The following MAK variants were observed in gnomAD, a reference collection of about 807,000 sequenced individuals.
The protein encoded by MAK is male germ cell associated kinase, also known as serine/threonine-protein kinase MAK.
Under a neutral mutation model 82.6 loss-of-function variants are expected in MAK, and 65 were observed. The observed-to-expected ratio is 0.79, with a 90% CI of 0.64 to 0.97. The LOEUF (loss-of-function observed/expected upper bound fraction) is 0.97, where lower values mean the gene tolerates loss of function less well. Ranked by LOEUF, MAK falls within the 50% of genes least tolerant of loss-of-function variation. MAK has a pLI of 0.00. For missense variants in MAK, 703 were observed against 780.2 expected (o/e 0.90, Z 1.18); for synonymous variants, 250 against 274.2 (o/e 0.91, Z 0.87).
intron 8 of MAK, among the ~76,000 whole-genome samples, chr6:10,796,855 GTTA>G (rs1189348919): frequency 1.3e-5 from 2 of 150,668 alleles, no homozygotes; most frequent in Non-Finnish European, 3.0e-5. Context: ...AAGCTCACTT[GTTA>G]TTATAACATC....
intron 8 of MAK, among the ~76,000 whole-genome samples, chr6:10,798,899 G>C (rs1775796979): frequency 6.6e-6 from 1 of 151,726 alleles, no homozygotes; most frequent in African/African-American, 2.4e-5. Context: ...GCACGATCTT[G>C]GCTCATTGCA....
Position 10,830,864 on chromosome 6 carries a change from T to G in MAK, c.-216A>C, listed in dbSNP as rs1778765199. On this transcript the variant is annotated 5_prime_UTR_variant, in exon 2 of 15. An upstream start codon of the reference 5' UTR is lost. Transcript: ENST00000354489. ...ATCGGGCAAGGAAACAACACTTCCA[T>G]TCTTATAAACACCCTAAAGAAAGAA... 1.8e-6 allele frequency: 1 copy of G among 568,770 alleles called. No individual in the cohort carries two copies. Among genetic ancestry groups the G allele is most frequent in the Non-Finnish European group, 3.2e-6 (1 of 313,632 alleles). The allele number at this position is 568,770 out of a possible 1,614,324, so 35.2% of individuals were successfully genotyped here.
Position 10,818,904 on chromosome 6 carries a change from C to A in MAK, c.138G>T (p.Met46Ile). Residue 46 changes from methionine (M) to isoleucine (I), a missense_variant, in exon 3 of 15, where the codon ATG becomes ATT. Coordinates refer to ENST00000354489, the MANE Select transcript of MAK (RefSeq NM_001242957.3). ...KRKFYSWDEC[M>I]NLREVKSLKK... ...ATTTTACCTTAACTTCTCTCAAGTT[C>A]ATGCATTCATCCCAAGAATAGAACT... The A allele has an allele frequency of 6.3e-7, 1 of 1,589,896 alleles. No individual in the cohort carries two copies.
chr6:10,764,270 C>T lies in MAK; in HGVS notation c.*182G>A. 1.6e-6 allele frequency: 1 copy of T among 620,744 alleles called. No homozygotes were observed. Among genetic ancestry groups the T allele is most frequent in the South Asian group, 2.0e-5 (1 of 50,968 alleles). 38.5% of individuals were successfully genotyped at this position (620,744 alleles called of 1,614,324 possible). On this transcript the variant is annotated 3_prime_UTR_variant, in exon 15 of 15. Coordinates refer to ENST00000354489, the MANE Select transcript of MAK (RefSeq NM_001242957.3). Reference sequence around the variant, plus strand: ...TATATCAACACTGTGGGCAATGATGCTAAGAAAATGCATTTCTTGGAAATA... The same window carrying T: ...TATATCAACACTGTGGGCAATGATGTTAAGAAAATGCATTTCTTGGAAATA...
intron 2 of MAK, among the ~76,000 whole-genome samples, chr6:10,820,602 T>C (rs1007531375): frequency 2.6e-5 from 4 of 152,212 alleles, no homozygotes; most frequent in African/African-American, 4.8e-5. Context: ...ATATCTATGA[T>C]TGACTATAAG....
At chr6:10,790,347 CTACTTG>C (rs1231462309) in intron 10 of MAK, among the ~76,000 whole-genome samples, 1 of 152,072 alleles carries the variant, frequency 6.6e-6, no homozygotes, top group Non-Finnish European at 1.5e-5. Context: ...TGCCAAATAG[CTACTTG>C]TATAAGTTTT....
chr6:10,774,913 T>G (rs1447496343), intron 12 of MAK, among the ~76,000 whole-genome samples: 1 of 152,234 alleles, frequency 6.6e-6, no homozygotes, highest in Non-Finnish European at 1.5e-5. Flanking sequence ...CAGGAAAGAT[T>G]CAGATGGAGG....
intron 8 of MAK, chr6:10,797,703 T>A: frequency 9.0e-7 from 1 of 1,108,068 alleles, no homozygotes; most frequent in Non-Finnish European, 1.1e-6. Flanking sequence ...CTTTAGCCAG[T>A]CCCCACATAG....
Position 10,768,762 on chromosome 6 carries a change from T to C in MAK, c.1792+1349A>G, listed in dbSNP as rs140255325. Among the ~76,000 whole-genome samples, 60 of 152,348 alleles carry C rather than the reference T, an allele frequency of 3.9e-4. No homozygotes were observed. In the Middle Eastern group the frequency reaches 0.01, roughly 26 times the overall value. ...CTGTAGTACTATTTAAGCAGTTCTA[T>C]TGCGGCAAGAAATAAAAAAATAAAG... On this transcript the variant is annotated intron_variant, in intron 14 of 14. Coordinates refer to ENST00000354489, the MANE Select transcript of MAK (RefSeq NM_001242957.3).
At chr6:10,833,547 G>C (rs1778959148) in intron 1 of MAK, among the ~76,000 whole-genome samples, 2 of 152,102 alleles carry the variant, frequency 1.3e-5, no homozygotes, top group African/African-American at 2.4e-5. Context: ...GGAGGTTGCA[G>C]TGAGCCAAGA....
rs781358107 is a variant in MAK at position 10,770,103 on chromosome 6, G to A, written c.1792+8C>T. 5.6e-6 allele frequency: 9 copies of A among 1,614,182 alleles called. No individual in the cohort carries two copies. In the South Asian group the frequency reaches 9.9e-5, roughly 18 times the overall value. On this transcript the variant is annotated splice_region_variant and intron_variant, in intron 14 of 14. Coordinates refer to ENST00000354489, the MANE Select transcript of MAK (RefSeq NM_001242957.3). ...AATCTAGAAAACTGTATCTGAAGTT[G>A]TTCCTACCTGAAGCCGTTGCATTGA... is the stretch of plus-strand genomic sequence containing the variant.
At chr6:10,810,510 T>C (rs930286652) in intron 5 of MAK, among the ~76,000 whole-genome samples, 1 of 151,980 alleles carries the variant, frequency 6.6e-6, no homozygotes, top group Non-Finnish European at 1.5e-5. Context: ...CGGCTAATTG[T>C]TTGTATTTTT....
rs1201820080 is a variant in MAK, at chr6:10,765,867, GGTT to G, written c.1793-1264_1793-1262del. On this transcript the variant is annotated intron_variant, in intron 14 of 14. Transcript: ENST00000354489. Reference sequence around the variant, plus strand: ...TAGGATCCTAAACTTTTAACCACAAGGTTGTTTCATTCATATATCTGACTGTTT... The same window carrying G: ...TAGGATCCTAAACTTTTAACCACAAGGTTTCATTCATATATCTGACTGTTT... Among the ~76,000 whole-genome samples, 3 of 152,152 alleles carry G rather than the reference GGTT, an allele frequency of 2.0e-5. No homozygotes were observed. In the East Asian group the frequency reaches 5.8e-4, roughly 29 times the overall value.
At chr6:10,766,356 T>C (rs933465954) in intron 14 of MAK, among the ~76,000 whole-genome samples, 23 of 152,194 alleles carry the variant, frequency 1.5e-4, no homozygotes, top group Admixed American at 5.9e-4. Context: ...AGGTATTAAG[T>C]GTGGACACTC....
intron 11 of MAK, among the ~76,000 whole-genome samples, chr6:10,778,727 A>G (rs896256476): frequency 6.6e-6 from 1 of 152,104 alleles, no homozygotes; most frequent in Non-Finnish European, 1.5e-5. Flanking sequence ...GAAAGTGAAA[A>G]AGCAGAGGCT....
chr6:10,802,273 G>T, intron 7 of MAK: 1 of 521,662 alleles, frequency 1.9e-6, no homozygotes, highest in Non-Finnish European at 3.4e-6. Flanking sequence ...AGGAAACAAT[G>T]CGAAAAGCAC....
intron 11 of MAK, among the ~76,000 whole-genome samples, chr6:10,780,926 G>T (rs1488782118): frequency 1.3e-5 from 2 of 151,828 alleles, no homozygotes; most frequent in East Asian, 1.9e-4. Context: ...TTACACACAG[G>T]TGTCTAAAGA....
chr6:10,828,334 C>A (rs1445558298), intron 2 of MAK, among the ~76,000 whole-genome samples: 2 of 152,128 alleles, frequency 1.3e-5, no homozygotes, highest in African/African-American at 4.8e-5. Context: ...TCAAACAACC[C>A]TCTGGAAAGG....
At chr6:10,815,911 A>AGTGTGTGTGT in intron 4 of MAK, among the ~76,000 whole-genome samples, 1 of 78,190 alleles carries the variant, frequency 1.3e-5, no homozygotes, top group Non-Finnish European at 2.3e-5. Flanking sequence ...AGCTTTATAC[A>AGTGTGTGTGT]GTATATATAT....
Sources: gnomAD v4.1 joint callset for allele counts (sites outside exome capture counted in the v4.1 genomes callset) on GRCh38, gnomAD v4.1.1 for gene constraint, MANE v1.5 for transcripts, NCBI Gene and HGNC (gene_info 2026-07-23, HGNC 2026-07-21) for gene names.